The following STK39 variants were observed in gnomAD, a reference collection of about 807,000 sequenced individuals.
STK39 encodes the protein STE20/SPS1-related proline-alanine-rich protein kinase.
In STK39, 20 loss-of-function variants were observed where a neutral mutation model predicts 77.8. The ratio of observed to expected loss-of-function variants is 0.26; its 90% CI spans 0.18 to 0.37. STK39 has a LOEUF of 0.37. Ranked by LOEUF, STK39 falls within the 10% of genes least tolerant of loss-of-function variation. The pLI is 1.00. For missense variants in STK39, 479 were observed against 656.5 expected (o/e 0.73, Z 2.95); for synonymous variants, 246 against 234.1 (o/e 1.05, Z -0.47).
chr2:168,039,311 G>GTGACTGCCTTTGCCAGAGGTGGA (rs1574412902), intron 14 of STK39, among the ~76,000 whole-genome samples: 5 of 87,692 alleles, frequency 5.7e-5, no homozygotes, highest in African/African-American at 6.8e-5. Context: ...AAGCAGATCA[G>GTGACTGCCTTTGCCAGAGGTGGA]GCCGGGCGCG....
chr2:168,095,617 CTCTT>C (rs199938757), intron 10 of STK39, among the ~76,000 whole-genome samples: 10,046 of 113,942 alleles, frequency 0.088, 818 homozygotes, highest in African/African-American at 0.24. Flanking sequence ...ACTCGTGTAT[CTCTT>C]TCTTTTTTTT....
intron 10 of STK39, among the ~76,000 whole-genome samples, chr2:168,110,056 A>G (rs1007126582): frequency 3.3e-5 from 5 of 152,182 alleles, no homozygotes; most frequent in African/African-American, 1.2e-4. Context: ...TGTCACTTTA[A>G]CAGTCTTTTC....
At chr2:168,245,277 A>G (rs1690869111) in intron 1 of STK39, among the ~76,000 whole-genome samples, 1 of 151,968 alleles carries the variant, frequency 6.6e-6, no homozygotes, top group Non-Finnish European at 1.5e-5. Context: ...CCTGGCAGTC[A>G]CTCCCTCCTT....
intron 14 of STK39, among the ~76,000 whole-genome samples, chr2:168,017,964 G>A (rs1467413225): frequency 3.3e-5 from 5 of 151,984 alleles, no homozygotes; most frequent in Non-Finnish European, 7.4e-5. Flanking sequence ...TTAAGTAAAT[G>A]TAAAGGCTTA....
intron 10 of STK39, among the ~76,000 whole-genome samples, chr2:168,089,574 T>G (rs1019734073): frequency 6.6e-6 from 1 of 152,212 alleles, no homozygotes; most frequent in Non-Finnish European, 1.5e-5. Context: ...TCACCTGCAT[T>G]TATTGCAATA....
chr2:168,174,240 G>A (rs1037172054), intron 2 of STK39, among the ~76,000 whole-genome samples: 2 of 152,186 alleles, frequency 1.3e-5, no homozygotes, highest in Non-Finnish European at 2.9e-5. Flanking sequence ...AAAGTGTAAA[G>A]TGTCAGGGCA....
intron 12 of STK39, among the ~76,000 whole-genome samples, chr2:168,069,456 G>A (rs1254061320): frequency 6.6e-6 from 1 of 152,196 alleles, no homozygotes; most frequent in African/African-American, 2.4e-5. Context: ...TACCTTTTGT[G>A]AGCCCTACTG....
chr2:168,090,455 G>T (rs1686488954), intron 10 of STK39, among the ~76,000 whole-genome samples: 1 of 152,196 alleles, frequency 6.6e-6, no homozygotes, highest in Admixed American at 6.5e-5. Context: ...AACTGCTGAA[G>T]GGATATGAAG....
chr2:168,029,744 T>C (rs1004373393), intron 14 of STK39, among the ~76,000 whole-genome samples: 2 of 152,202 alleles, frequency 1.3e-5, no homozygotes, highest in African/African-American at 4.8e-5. Context: ...GTCTATGTAC[T>C]GATTAGACAT....
chr2:168,127,558 C>T (rs1371167202), intron 10 of STK39, among the ~76,000 whole-genome samples: 4 of 152,164 alleles, frequency 2.6e-5, no homozygotes, highest in Non-Finnish European at 4.4e-5. Flanking sequence ...GTGGGAAGCA[C>T]AGATGGTTCA....
At chr2:168,137,519 T>A (rs1280566073) in intron 8 of STK39, among the ~76,000 whole-genome samples, 2 of 152,212 alleles carry the variant, frequency 1.3e-5, no homozygotes, top group Non-Finnish European at 2.9e-5. Context: ...AACCCAAGAA[T>A]AAATAGGAAA....
chr2:168,129,654 T>C, intron 9 of STK39, 48 bp from the exon 10 acceptor site: 1 of 1,613,986 alleles, frequency 6.2e-7, no homozygotes, highest in South Asian at 1.1e-5. Context: ...ATGATACACA[T>C]AAATACACAG....
At chr2:168,138,377 T>G (rs1173683692) in intron 7 of STK39, among the ~76,000 whole-genome samples, 156 bp from the exon 8 acceptor site, 1 of 152,270 alleles carries the variant, frequency 6.6e-6, no homozygotes, top group African/African-American at 2.4e-5. Flanking sequence ...TTTAAAGTAT[T>G]CATTACCACT....
chr2:168,232,993 T>C (rs928683885), intron 1 of STK39, among the ~76,000 whole-genome samples: 2 of 152,164 alleles, frequency 1.3e-5, no homozygotes, highest in African/African-American at 2.4e-5. Flanking sequence ...AAAACGGCTA[T>C]AGATGAACTG....
intron 10 of STK39, among the ~76,000 whole-genome samples, chr2:168,100,593 T>C (rs1686797668): frequency 6.6e-6 from 1 of 152,152 alleles, no homozygotes. Context: ...ACTAAAGAGC[T>C]TCTGCATGGG....
At chr2:168,214,955 T>C (rs914754513) in intron 1 of STK39, among the ~76,000 whole-genome samples, 1 of 152,216 alleles carries the variant, frequency 6.6e-6, no homozygotes, top group Non-Finnish European at 1.5e-5. Flanking sequence ...CAGTAGTATA[T>C]CTCTTGGAGC....
At chr2:167,990,610 A>T (rs1194108759) in intron 16 of STK39, among the ~76,000 whole-genome samples, 1 of 152,216 alleles carries the variant, frequency 6.6e-6, no homozygotes, top group Non-Finnish European at 1.5e-5. Context: ...CTTAATCTAT[A>T]AATCTGAACA....
At chr2:168,148,841 A>G (rs1301451703) in intron 5 of STK39, among the ~76,000 whole-genome samples, 2 of 152,208 alleles carry the variant, frequency 1.3e-5, no homozygotes, top group African/African-American at 4.8e-5. Flanking sequence ...GACACAGTGC[A>G]TACAAAGGAG....
At chr2:167,997,489 CAT>C (rs1030690756) in intron 16 of STK39, among the ~76,000 whole-genome samples, 3 of 152,134 alleles carry the variant, frequency 2.0e-5, no homozygotes, top group Admixed American at 2.0e-4. Flanking sequence ...ATAACCATTC[CAT>C]GAGTTAAGTG....
Sources: allele counts gnomAD v4.1 joint callset (sites outside exome capture counted in the v4.1 genomes callset), GRCh38; gene constraint gnomAD v4.1.1; transcripts MANE v1.5; gene names NCBI Gene and HGNC (gene_info 2026-07-23, HGNC 2026-07-21).